The following PDZRN4 variants were observed in gnomAD, a reference collection of about 807,000 sequenced individuals.
The protein encoded by PDZRN4 is PDZ domain-containing RING finger protein 4.
Under a neutral mutation model 99.0 loss-of-function variants are expected in PDZRN4, and 70 were observed. That is an observed-to-expected ratio of 0.71 (90% CI 0.58 to 0.86). The LOEUF (loss-of-function observed/expected upper bound fraction) is 0.86. PDZRN4 is among the 40% of genes least tolerant of loss of function. The pLI is 0.00. For missense variants in PDZRN4, 1,474 were observed against 1,331.2 expected (o/e 1.11, Z -1.67); for synonymous variants, 551 against 501.6 (o/e 1.10, Z -1.32).
chr12:41,407,259 G>A (rs188622325), intron 3 of PDZRN4, among the ~76,000 whole-genome samples: 2 of 152,126 alleles, frequency 1.3e-5, no homozygotes, highest in African/African-American at 4.8e-5. Flanking sequence ...AGTGGACTTA[G>A]CTAGCAAGAA....
At chr12:41,473,421 C>A (rs895947627) in intron 3 of PDZRN4, 7 of 152,126 alleles carry the variant, frequency 4.6e-5, no homozygotes, top group African/African-American at 7.2e-5. Context: ...TGCTCAGGTG[C>A]TGGGGTTCCA....
At chr12:41,221,857 C>A (rs117854008) in intron 3 of PDZRN4, among the ~76,000 whole-genome samples, 3,033 of 152,204 alleles carry the variant, frequency 0.02, 49 homozygotes, top group Non-Finnish European at 0.03. Flanking sequence ...CAACTGACAG[C>A]TTTTAAAGAT....
chr12:41,358,101 C>T (rs1027384277), intron 3 of PDZRN4, among the ~76,000 whole-genome samples: 8 of 151,878 alleles, frequency 5.3e-5, no homozygotes, highest in African/African-American at 1.7e-4. Context: ...CCATTTTGAA[C>T]GATGTGAATT....
chr12:41,391,615 A>G (rs1230884316), intron 3 of PDZRN4, among the ~76,000 whole-genome samples: 2 of 152,256 alleles, frequency 1.3e-5, no homozygotes, highest in East Asian at 1.9e-4. Context: ...TTATTTTTGG[A>G]CCCACTTCTA....
At chr12:41,483,044 C>T (rs1937702242) in intron 3 of PDZRN4, among the ~76,000 whole-genome samples, 1 of 151,672 alleles carries the variant, frequency 6.6e-6, no homozygotes, top group African/African-American at 2.4e-5. Context: ...TTACATGTGG[C>T]ATTTGAGAAG....
At chr12:41,391,221 C>T (rs1592040496) in intron 3 of PDZRN4, among the ~76,000 whole-genome samples, 2 of 152,170 alleles carry the variant, frequency 1.3e-5, no homozygotes, top group Non-Finnish European at 2.9e-5. Context: ...TGGAGGCACT[C>T]TGTCAATACC....
At position 41,573,188 on chromosome 12, in the gene PDZRN4, C is replaced by T. The variant is rs368385927; in HGVS notation, c.2409C>T (p.Ser803=). Residue 803 remains serine, a synonymous_variant, in exon 10 of 10, where the codon AGC becomes AGT. Transcript: ENST00000402685. ...CCAAAACCACTGAGCAAGGTTGTAGCGCTGAAAGCAAGGAGAAGGTTTTAG... is the reference window on the plus strand; with the variant it reads ...CCAAAACCACTGAGCAAGGTTGTAGTGCTGAAAGCAAGGAGAAGGTTTTAG... ...TKAKTTEQGC[S]AESKEKVLEG... 5.8e-5 allele frequency: 94 copies of T among 1,613,940 alleles called. No homozygotes were observed. The highest frequency in any genetic ancestry group is 7.7e-5 in the Non-Finnish European group (91 of 1,180,014).
intron 3 of PDZRN4, among the ~76,000 whole-genome samples, chr12:41,412,787 A>G (rs1952409923): frequency 6.6e-6 from 1 of 152,110 alleles, no homozygotes; most frequent in Non-Finnish European, 1.5e-5. Context: ...CTCAATATCT[A>G]TTTTATAATA....
At chr12:41,193,786 C>A (rs1950752266) in intron 2 of PDZRN4, among the ~76,000 whole-genome samples, 1 of 152,150 alleles carries the variant, frequency 6.6e-6, no homozygotes, top group Non-Finnish European at 1.5e-5. Context: ...ATAAATAATA[C>A]TTAAAAGCCA....
At chr12:41,332,654 T>C (rs1951747765) in intron 3 of PDZRN4, among the ~76,000 whole-genome samples, 1 of 150,338 alleles carries the variant, frequency 6.7e-6, no homozygotes, top group East Asian at 2.0e-4. Context: ...AACTCATTTG[T>C]GAATCAAGAG....
intron 3 of PDZRN4, among the ~76,000 whole-genome samples, chr12:41,436,689 C>T (rs1184040644): frequency 2.6e-5 from 4 of 152,152 alleles, no homozygotes; most frequent in Non-Finnish European, 4.4e-5. Context: ...TGTAGTATAT[C>T]TTTAAGGGAC....
At chr12:41,274,864 A>G (rs968707689) in intron 3 of PDZRN4, among the ~76,000 whole-genome samples, 3 of 152,142 alleles carry the variant, frequency 2.0e-5, no homozygotes, top group African/African-American at 7.2e-5. Flanking sequence ...CATTAGGGAA[A>G]TGTGGTAGGA....
At chr12:41,437,575 G>A in intron 3 of PDZRN4, 1 of 253,698 alleles carries the variant, frequency 3.9e-6, no homozygotes, top group Non-Finnish European at 7.2e-6. Context: ...GTCATCAGCA[G>A]CAGCTATGAC....
intron 3 of PDZRN4, among the ~76,000 whole-genome samples, chr12:41,331,999 TGTG>T (rs1446876427): frequency 6.6e-6 from 1 of 152,150 alleles, no homozygotes; most frequent in Non-Finnish European, 1.5e-5. Flanking sequence ...AATAGTCATC[TGTG>T]GTAGGAAACG....
At chr12:41,213,258 A>C (rs1950899353) in intron 3 of PDZRN4, among the ~76,000 whole-genome samples, 1 of 152,090 alleles carries the variant, frequency 6.6e-6, no homozygotes, top group Admixed American at 6.6e-5. Context: ...TGAGGAATCC[A>C]GATGGAAGTG....
chr12:41,390,386 C>T (rs184591899), intron 3 of PDZRN4, among the ~76,000 whole-genome samples: 346 of 152,036 alleles, frequency 2.3e-3, no homozygotes, highest in Non-Finnish European at 3.5e-3. Context: ...GATTGGGCTG[C>T]TCATTTGTCA....
intron 3 of PDZRN4, among the ~76,000 whole-genome samples, chr12:41,498,201 A>G (rs1296263511): frequency 6.6e-6 from 1 of 152,040 alleles, no homozygotes; most frequent in South Asian, 2.1e-4. Context: ...TAAACATTAC[A>G]TGCCTCCTGA....
intron 5 of PDZRN4, among the ~76,000 whole-genome samples, chr12:41,517,784 C>G (rs1200027700): frequency 2.0e-5 from 3 of 151,944 alleles, no homozygotes; most frequent in African/African-American, 7.3e-5. Context: ...ACATATCAAC[C>G]CACATTTTTT....
At chr12:41,322,678 A>G (rs1043579142) in intron 3 of PDZRN4, among the ~76,000 whole-genome samples, 13 of 151,426 alleles carry the variant, frequency 8.6e-5, no homozygotes, top group African/African-American at 3.2e-4. Context: ...TTGTATTTTT[A>G]GTAGAGACAG....
Sources: allele counts gnomAD v4.1 joint callset (sites outside exome capture counted in the v4.1 genomes callset), GRCh38; gene constraint gnomAD v4.1.1; transcripts MANE v1.5; gene names NCBI Gene and HGNC (gene_info 2026-07-23, HGNC 2026-07-21).